ZNF648: variants seen among roughly 807,000 people sequenced by gnomAD.
ZNF648 encodes the protein zinc finger protein 648.
ZNF648 carries 1 observed loss-of-function variant against 0.3 expected under a neutral mutation model. The observed-to-expected ratio is 3.90, with a 90% CI of 1.39 to 18.51. The LOEUF (loss-of-function observed/expected upper bound fraction) is 18.51, where lower values mean the gene tolerates loss of function less well. Ranked by LOEUF, ZNF648 falls within the 30% of genes most tolerant of loss-of-function variation. The pLI is 0.11. For missense variants in ZNF648, 874 were observed against 769.7 expected, an observed-to-expected ratio of 1.14 and a Z score of -1.60; for synonymous variants, 376 against 326.8, an observed-to-expected ratio of 1.15 and a Z score of -1.62.
At chr1:182,062,153 C>G (rs1666040386), upstream of ZNF648, among the ~76,000 whole-genome samples, 1 of 152,168 alleles carries the variant, frequency 6.6e-6, no homozygotes, top group Non-Finnish European at 1.5e-5. Flanking sequence ...TTGTAGCAGC[C>G]CATTCATTGG....
Position 182,056,449 on chromosome 1 carries a change from T to TGGGCCA in ZNF648, c.1556_1561dup (p.Leu519_Ala520dup), listed in dbSNP as rs1482480522. On this transcript the variant is annotated inframe_insertion, in exon 2 of 2. Transcript: ENST00000339948. ...CTCTCCGTTGTGCATTCGTATGTGCTGGGCCAACTCAGAGGCAATGCGGAA... is the reference window on the plus strand; with the variant it reads ...CTCTCCGTTGTGCATTCGTATGTGCTGGGCCAGGGCCAACTCAGAGGCAATGCGGAA... 1 of 1,614,064 alleles carries TGGGCCA rather than the reference T, an allele frequency of 6.2e-7. No individual in the cohort carries two copies. Among genetic ancestry groups the TGGGCCA allele is most frequent in the Non-Finnish European group, 8.5e-7 (1 of 1,179,990 alleles).
Position 182,056,575 on chromosome 1 carries a change from G to A in ZNF648, c.1436C>T (p.Thr479Met), listed in dbSNP as rs200671620. 995 of 1,614,064 alleles carry A rather than the reference G, an allele frequency of 6.2e-4. 5 individuals are homozygous for A. The highest frequency in any genetic ancestry group is 8.8e-5 in the South Asian group (8 of 91,048). ...IHTGERPFPCTQCGQAFARSS... is the reference protein window; with the variant it reads ...IHTGERPFPCMQCGQAFARSS... ...GCGGGCAAAGGCCTGGCCACACTGC[G>A]TGCAAGGAAAGGGCCTCTCGCCAGT... is the stretch of plus-strand genomic sequence containing the variant. Residue 479 changes from threonine to methionine, a missense_variant, in exon 2 of 2, where the codon ACG becomes ATG. Physicochemically the swap from Thr to Met is moderately conservative, Grantham distance 81. Coordinates refer to ENST00000339948, the MANE Select transcript of ZNF648 (RefSeq NM_001009992.1).
chr1:182,057,423 C>T lies in ZNF648; in HGVS notation c.588G>A (p.Gly196=), dbSNP rs754998825. ...CTTGCGTGGGAAGGTCCCAGTTGCT[C>T]CCCGGCCTGGGGAAACACAACAGAG... The part of the protein sequence containing the change: ...NSSLLCFPRP[G]SNWDLPTQET... Residue 196 remains glycine (G), a synonymous_variant, in exon 2 of 2, where the codon GGG becomes GGA. Coordinates refer to ENST00000339948, the MANE Select transcript of ZNF648 (RefSeq NM_001009992.1). The T allele has an allele frequency of 5.6e-6, 9 of 1,614,120 alleles. No individual in the cohort carries two copies. Among genetic ancestry groups the T allele is most frequent in the Admixed American group, 5.0e-5 (3 of 60,028 alleles).
In ZNF648 at chr1:182,056,123, A is replaced by T; in HGVS notation, c.*181T>A. On this transcript the variant is annotated 3_prime_UTR_variant, in exon 2 of 2. Transcript: ENST00000339948. Reference sequence around the variant, plus strand: ...GGACACTCAGAACCACTGATGTGAAACCACCCACCTGGGTGCTCTCTCGGT... The same window carrying T: ...GGACACTCAGAACCACTGATGTGAATCCACCCACCTGGGTGCTCTCTCGGT... 1.2e-6 allele frequency: 1 copy of T among 805,790 alleles called. No homozygotes were observed. The highest frequency in any genetic ancestry group is 1.9e-6 in the Non-Finnish European group (1 of 529,066). 49.9% of individuals were successfully genotyped at this position (805,790 alleles called of 1,614,324 possible).
Position 182,056,467 on chromosome 1 carries a change from A to G in ZNF648, c.1544T>C (p.Ile515Thr), listed in dbSNP as rs775490974. 2 of 1,613,806 alleles carry G rather than the reference A, an allele frequency of 1.2e-6. No homozygotes were observed. The highest frequency in any genetic ancestry group is 1.3e-5 in the African/African-American group (1 of 74,908). The change falls in exon 2 of 2, where the codon ATT becomes ACT. Residue 515 changes from isoleucine (I) to threonine (T), a missense_variant. Physicochemically the swap from Ile to Thr is moderately conservative, Grantham distance 89 (BLOSUM62 -1). Coordinates refer to ENST00000339948, the MANE Select transcript of ZNF648 (RefSeq NM_001009992.1). ...TATGTGCTGGGCCAACTCAGAGGCA[A>G]TGCGGAAGGCCCTGCCGCACTCGGC... ...LCAECGRAFR[I>T]ASELAQHIRM... is the part of the protein sequence containing the mutation.
At position 182,057,720 on chromosome 1, in the gene ZNF648, C is replaced by T. The variant is rs1216307603; in HGVS notation, c.291G>A (p.Met97Ile). The T allele has an allele frequency of 6.2e-7, 1 of 1,614,262 alleles. No homozygotes were observed. Among genetic ancestry groups the T allele is most frequent in the East Asian group, 2.2e-5 (1 of 44,876 alleles). Residue 97 changes from methionine to isoleucine, a missense_variant, in exon 2 of 2, where the codon ATG becomes ATA. Physicochemically the swap from Met to Ile is conservative, Grantham distance 10. Transcript: ENST00000339948. The stretch of plus-strand genomic sequence containing the variant: ...CTCTGCTCCAACTGGCTTTCCCAGA[C>T]ATTTCCACTGGTTTCTGCCCCATGC... Reference protein sequence around the residue: ...AGGMGQKPVEMSGKASWSRDV... With the variant: ...AGGMGQKPVEISGKASWSRDV...
At position 182,056,050 on chromosome 1, in the gene ZNF648, T is replaced by C. The variant is rs555475593; in HGVS notation, c.*254A>G. On this transcript the variant is annotated 3_prime_UTR_variant, in exon 2 of 2. Transcript: ENST00000339948. The stretch of plus-strand genomic sequence containing the variant: ...CCAACCCAAGGAACTCAACGTTTGA[T>C]CAGCTCCCACTACTTTGTCTTTCCC... The C allele has an allele frequency of 1.2e-5, 6 of 499,450 alleles. No homozygotes were observed. In the East Asian group the frequency reaches 2.1e-4, roughly 17 times the overall value. 30.9% of individuals were successfully genotyped at this position (499,450 alleles called of 1,614,324 possible). A position where few individuals can be genotyped will look rare whatever the true frequency, so the allele number is the denominator to read the frequency against.
chr1:182,056,539 AGGGTCGAAGAGCG>A lies in ZNF648; in HGVS notation c.1459_1471del (p.Arg487Ter). On this transcript the variant is annotated frameshift_variant, in exon 2 of 2. Coordinates refer to ENST00000339948, the MANE Select transcript of ZNF648 (RefSeq NM_001009992.1). LOFTEE classifies it low-confidence loss of function (END_TRUNC). ...GGAGTGGATCTGTTGGTGCCGCTTC[AGGGTCGAAGAGCG>A]GGCAAAGGCCTGGCCACACTGCGTG... is the stretch of plus-strand genomic sequence containing the variant. 6.2e-7 allele frequency: 1 copy of A among 1,613,956 alleles called. No individual in the cohort carries two copies. Among genetic ancestry groups the A allele is most frequent in the Non-Finnish European group, 8.5e-7 (1 of 1,179,956 alleles).
At position 182,054,781 on chromosome 1, in the gene ZNF648, C is replaced by T. The variant is rs1034966459; in HGVS notation, c.*1523G>A. The T allele has an allele frequency of 3.9e-5, 6 of 152,222 alleles. No homozygotes were observed. Among genetic ancestry groups the T allele is most frequent in the Non-Finnish European group, 8.8e-5 (6 of 68,050 alleles). 9.4% of individuals were successfully genotyped at this position (152,222 alleles called of 1,614,324 possible). On this transcript the variant is annotated 3_prime_UTR_variant, in exon 2 of 2. Transcript: ENST00000339948. The stretch of plus-strand genomic sequence containing the variant: ...AGATGCAGAAACTGAAGCCCAAGGT[C>T]ACATCAACAGTAAAGGATGGGGATG...
Position 182,056,620 on chromosome 1 carries a change from A to T in ZNF648, c.1391T>A (p.Val464Glu). Residue 464 changes from valine (V) to glutamate (E), a missense_variant, in exon 2 of 2, where the codon GTG becomes GAG. Coordinates refer to ENST00000339948, the MANE Select transcript of ZNF648 (RefSeq NM_001009992.1). ...GCCAGTGTGGATGCGCTGGTGGCGC[A>T]CGAGGCGCGAGGGCTGCGCGAAGGC... ...GVAFAQPSRL[V>E]RHQRIHTGER... 1 of 1,612,472 alleles carries T rather than the reference A, an allele frequency of 6.2e-7. No individual in the cohort carries two copies.
chr1:182,056,698 T>C lies in ZNF648; in HGVS notation c.1313A>G (p.His438Arg). ...CFTKSSNLSE[H>R]QTLHTGQRPF... ...CCTCTGGCCGGTGTGCAGCGTCTGGTGCTCGGACAGATTGGAGGACTTGGT... is the reference window on the plus strand; with the variant it reads ...CCTCTGGCCGGTGTGCAGCGTCTGGCGCTCGGACAGATTGGAGGACTTGGT... Residue 438 changes from histidine (H) to arginine (R), a missense_variant, in exon 2 of 2, where the codon CAC (histidine) becomes CGC (arginine). By Grantham distance (29) the His-to-Arg change is conservative (BLOSUM62 0). Coordinates refer to ENST00000339948, the MANE Select transcript of ZNF648 (RefSeq NM_001009992.1). The C allele has an allele frequency of 6.3e-7, 1 of 1,599,128 alleles. No individual in the cohort carries two copies. The highest frequency in any genetic ancestry group is 8.5e-7 in the Non-Finnish European group (1 of 1,172,892).
chr1:182,058,317 G>T (rs1180465390), intron 1 of ZNF648, among the ~76,000 whole-genome samples: 1 of 152,120 alleles, frequency 6.6e-6, no homozygotes, highest in African/African-American at 2.4e-5. Context: ...CCAGGGTGGG[G>T]CATTTGCTGG....
In ZNF648 at chr1:182,057,708, G is replaced by T. The variant is rs752055973; in HGVS notation, c.303C>A (p.Ala101=). The part of the protein sequence containing the change: ...GQKPVEMSGK[A]SWSRDVTKIN... The stretch of plus-strand genomic sequence containing the variant: ...TCTTTGTCACATCTCTGCTCCAACT[G>T]GCTTTCCCAGACATTTCCACTGGTT... Residue 101 remains alanine (A), a synonymous_variant, in exon 2 of 2, where the codon GCC becomes GCA. Coordinates refer to ENST00000339948, the MANE Select transcript of ZNF648 (RefSeq NM_001009992.1). 3 of 1,614,102 alleles carry T rather than the reference G, an allele frequency of 1.9e-6. No individual in the cohort carries two copies. The highest frequency in any genetic ancestry group is 2.5e-6 in the Non-Finnish European group (3 of 1,180,048).
the ZNF648 span, among the ~76,000 whole-genome samples, chr1:182,069,448 G>A: frequency 6.6e-6 from 1 of 152,166 alleles, no homozygotes; most frequent in East Asian, 1.9e-4. Flanking sequence ...ATAGCACTCT[G>A]GCCACGGGTG....
Position 182,056,430 on chromosome 1 carries a change from G to T in ZNF648, c.1581C>A (p.Asn527Lys), listed in dbSNP as rs758323060. The change falls in exon 2 of 2, where the codon AAC becomes AAA. Residue 527 changes from asparagine to lysine, a missense_variant. Transcript: ENST00000339948. ...CCTCACACTGGTAGGGCCTCTCTCC[G>T]TTGTGCATTCGTATGTGCTGGGCCA... ...SELAQHIRMH[N>K]GERPYQCEDC... 1 of 1,614,066 alleles carries T rather than the reference G, an allele frequency of 6.2e-7. No homozygotes were observed. Among genetic ancestry groups the T allele is most frequent in the Admixed American group, 1.7e-5 (1 of 60,014 alleles).
At chr1:182,069,219 C>T in the ZNF648 span, 3 of 152,120 alleles carry the variant, frequency 2.0e-5, no homozygotes, top group African/African-American at 7.2e-5. Flanking sequence ...CCTCCCAGGT[C>T]ACACCACCTA....
chr1:182,062,311 G>A (rs1329791725), upstream of ZNF648, among the ~76,000 whole-genome samples: 1 of 152,150 alleles, frequency 6.6e-6, no homozygotes, highest in African/African-American at 2.4e-5. Context: ...GAGAAGGATT[G>A]GCCCAAGGTA....
At chr1:182,065,959 C>A (rs1666092366), upstream of ZNF648, among the ~76,000 whole-genome samples, 1 of 152,200 alleles carries the variant, frequency 6.6e-6, no homozygotes, top group Non-Finnish European at 1.5e-5. Flanking sequence ...CTGTAAGGAC[C>A]ACTAGAAATG....
At chr1:182,061,889 G>C (rs533007266), upstream of ZNF648, among the ~76,000 whole-genome samples, 2 of 152,252 alleles carry the variant, frequency 1.3e-5, no homozygotes, top group African/African-American at 4.8e-5. Context: ...CCTCCTCTCA[G>C]TCTTCCTGCA....
Sources: gnomAD v4.1 joint callset for allele counts (sites outside exome capture counted in the v4.1 genomes callset) on GRCh38, gnomAD v4.1.1 for gene constraint, MANE v1.5 for transcripts, NCBI Gene and HGNC (gene_info 2026-07-23, HGNC 2026-07-21) for gene names.